Variants in MACROD2 observed in about 807,000 individuals in gnomAD.
MACROD2 encodes ADP-ribose glycohydrolase MACROD2.
In MACROD2, 36 loss-of-function variants were observed where a neutral mutation model predicts 70.4. The ratio of observed to expected loss-of-function variants is 0.51; its 90% CI spans 0.39 to 0.68. MACROD2 has a LOEUF of 0.68. Among genes scored for constraint, MACROD2 ranks in the 30% least tolerant of loss-of-function variants. MACROD2 has a pLI of 0.00. For synonymous variants in MACROD2, 172 were observed against 178.8 expected (o/e 0.96, Z 0.30); for missense variants, 496 against 538.4 (o/e 0.92, Z 0.78).
intron 3 of MACROD2, among the ~76,000 whole-genome samples, chr20:14,117,719 G>A (rs944813111): frequency 6.6e-6 from 1 of 151,974 alleles, no homozygotes; most frequent in Non-Finnish European, 1.5e-5. Flanking sequence ...ATTTCCTCAT[G>A]TTTGCTTTTC....
chr20:14,429,996 T>C (rs1395205044), intron 3 of MACROD2, among the ~76,000 whole-genome samples: 1 of 152,166 alleles, frequency 6.6e-6, no homozygotes, highest in Non-Finnish European at 1.5e-5. Context: ...TGAGATCACT[T>C]CTGAATTAAA....
At chr20:15,032,342 C>A (rs182609977) in intron 5 of MACROD2, among the ~76,000 whole-genome samples, 1 of 152,230 alleles carries the variant, frequency 6.6e-6, no homozygotes, top group Non-Finnish European at 1.5e-5. Context: ...CGGCTCCGCA[C>A]GCTGCCCTGG....
chr20:14,887,750 A>G (rs2122494434), intron 5 of MACROD2, among the ~76,000 whole-genome samples: 1 of 151,988 alleles, frequency 6.6e-6, no homozygotes, highest in East Asian at 1.9e-4. Context: ...GGTATTTTTC[A>G]TTTTTGGTTT....
intron 5 of MACROD2, among the ~76,000 whole-genome samples, chr20:15,084,077 T>TTTTGTTTGTTTGTTTTG (rs1555780897): frequency 1.4e-5 from 2 of 145,708 alleles, no homozygotes; most frequent in African/African-American, 2.6e-5. Flanking sequence ...TTTTTGTTTT[T>TTTTGTTTGTTTGTTTTG]TTTTTTTAAT....
chr20:15,397,068 T>C (rs2045869296), intron 6 of MACROD2, among the ~76,000 whole-genome samples: 1 of 152,194 alleles, frequency 6.6e-6, no homozygotes, highest in African/African-American at 2.4e-5. Flanking sequence ...TTATAAAGAA[T>C]GTAAGGAATT....
At chr20:14,403,958 ATAAT>A (rs1048796615) in intron 3 of MACROD2, among the ~76,000 whole-genome samples, 3 of 152,274 alleles carry the variant, frequency 2.0e-5, no homozygotes, top group African/African-American at 7.2e-5. Flanking sequence ...ATGATAAAAA[ATAAT>A]TAGGGGAGTT....
chr20:15,425,402 G>T (rs527632319), intron 6 of MACROD2, among the ~76,000 whole-genome samples: 19 of 152,208 alleles, frequency 1.2e-4, no homozygotes, highest in Admixed American at 5.9e-4. Context: ...CTTCTTAGTG[G>T]TCCACAAAGT....
At chr20:14,609,725 T>C (rs1983038949) in intron 4 of MACROD2, among the ~76,000 whole-genome samples, 1 of 152,154 alleles carries the variant, frequency 6.6e-6, no homozygotes, top group Admixed American at 6.6e-5. Context: ...TTCCATATAG[T>C]GATGGGTTTA....
At chr20:15,363,951 T>C (rs1395720921) in intron 6 of MACROD2, among the ~76,000 whole-genome samples, 2 of 152,176 alleles carry the variant, frequency 1.3e-5, no homozygotes, top group Admixed American at 6.5e-5. Context: ...GTTTTTATTG[T>C]CTGATTTGTT....
At chr20:14,164,487 G>A (rs537189285) in intron 3 of MACROD2, among the ~76,000 whole-genome samples, 8 of 152,244 alleles carry the variant, frequency 5.3e-5, no homozygotes, top group South Asian at 4.1e-4. Context: ...GCAGGTTCTC[G>A]GTCCCCTGGG....
chr20:14,404,993 T>G (rs990129755), intron 3 of MACROD2, among the ~76,000 whole-genome samples: 1 of 151,980 alleles, frequency 6.6e-6, no homozygotes, highest in African/African-American at 2.4e-5. Flanking sequence ...AATTATCAAC[T>G]GAAGAAAGGT....
chr20:14,344,350 A>G (rs376793872), intron 3 of MACROD2, among the ~76,000 whole-genome samples: 1 of 152,356 alleles, frequency 6.6e-6, no homozygotes, highest in East Asian at 1.9e-4. Flanking sequence ...TCTATTCCAA[A>G]TAAAATAAGT....
intron 4 of MACROD2, among the ~76,000 whole-genome samples, chr20:14,605,258 C>T (rs1983644327): frequency 6.6e-6 from 1 of 152,120 alleles, no homozygotes; most frequent in African/African-American, 2.4e-5. Flanking sequence ...AGGTTTGGTT[C>T]CTTCTGAGAA....
At chr20:15,902,646 G>A (rs146342834) in intron 10 of MACROD2, among the ~76,000 whole-genome samples, 1 of 152,160 alleles carries the variant, frequency 6.6e-6, no homozygotes, top group Non-Finnish European at 1.5e-5. Flanking sequence ...TTGCTCTGGG[G>A]TAAGGCAGCC....
chr20:14,275,175 C>G lies in MACROD2; in HGVS notation c.271+189447C>G, dbSNP rs1377177961. Among the ~76,000 whole-genome samples the G allele has an allele frequency of 3.9e-5, 6 of 152,230 alleles. No individual in the cohort carries two copies. The South Asian group carries it at 1.2e-3, about 32-fold the overall frequency. On this transcript the variant is annotated intron_variant, in intron 3 of 17. Coordinates refer to ENST00000684519, the MANE Select transcript of MACROD2 (RefSeq NM_001351661.2). ...CAAAAAAGAGCCCGCATCGCCAAGTCAATCCTAAGCCAAACGAACAAAGCT... is the reference window on the plus strand; with the variant it reads ...CAAAAAAGAGCCCGCATCGCCAAGTGAATCCTAAGCCAAACGAACAAAGCT...
chr20:16,015,867 G>A lies in MACROD2; in HGVS notation c.1154-25334G>A, dbSNP rs557030678. Among the ~76,000 whole-genome samples the A allele has an allele frequency of 4.6e-5, 7 of 152,108 alleles. No homozygotes were observed. The South Asian group carries it at 1.2e-3, about 27-fold the overall frequency. On this transcript the variant is annotated intron_variant, in intron 15 of 17. Coordinates refer to ENST00000684519, the MANE Select transcript of MACROD2 (RefSeq NM_001351661.2). The stretch of plus-strand genomic sequence containing the variant: ...GGAGAATTGTATGTTAATATTCTTT[G>A]TATTTCTAGCAGTTATTCATCTTTG...
intron 8 of MACROD2, among the ~76,000 whole-genome samples, chr20:15,852,487 T>C (rs1457303811): frequency 6.6e-6 from 1 of 152,230 alleles, no homozygotes; most frequent in Non-Finnish European, 1.5e-5. Flanking sequence ...TCTGGGAACA[T>C]GGGGAGAAAA....
intron 12 of MACROD2, among the ~76,000 whole-genome samples, chr20:15,943,181 T>A (rs530614134): frequency 6.6e-6 from 1 of 151,824 alleles, no homozygotes; most frequent in Non-Finnish European, 1.5e-5. Context: ...AATTCAGGAG[T>A]GTGCAAGAGA....
rs200044241 is a variant in MACROD2, at chr20:14,138,797, A to G, written c.271+53069A>G. On this transcript the variant is annotated intron_variant, in intron 3 of 17. Transcript: ENST00000684519. Reference sequence around the variant, plus strand: ...CACACACACACACACACACACACACACACACACACGGTAACTATGTGAGAT... The same window carrying G: ...CACACACACACACACACACACACACGCACACACACGGTAACTATGTGAGAT... 4.8e-4 allele frequency among the ~76,000 whole-genome samples: 26 copies of G among 54,190 alleles called. 1 individual carries two copies. In the East Asian group the frequency reaches 0.014, roughly 30 times the overall value. 35.6% of individuals were successfully genotyped at this position (54,190 alleles called of 152,430 possible).
Sources: allele counts gnomAD v4.1 joint callset (sites outside exome capture counted in the v4.1 genomes callset), GRCh38; gene constraint gnomAD v4.1.1; transcripts MANE v1.5; gene names NCBI Gene and HGNC (gene_info 2026-07-23, HGNC 2026-07-21).